Variants in ERBB4 observed in about 807,000 individuals in gnomAD.
The protein encoded by ERBB4 is erb-b2 receptor tyrosine kinase 4, also known as receptor tyrosine-protein kinase erbB-4.
ERBB4 carries 42 observed loss-of-function variants against 158.0 expected under a neutral mutation model. That is an observed-to-expected ratio of 0.27 (90% CI 0.21 to 0.34). The LOEUF is 0.34. Among genes scored for constraint, ERBB4 ranks in the 10% least tolerant of loss-of-function variants. The pLI is 1.00. For synonymous variants in ERBB4, 583 were observed against 558.7 expected (o/e 1.04, Z -0.61); for missense variants, 1,333 against 1,624.1 (o/e 0.82, Z 3.08).
chr2:211,848,784 A>G (rs550944509), intron 3 of ERBB4, among the ~76,000 whole-genome samples: 1 of 152,174 alleles, frequency 6.6e-6, no homozygotes, highest in East Asian at 1.9e-4. Flanking sequence ...GATTTCAAAT[A>G]TGAGGGGTGG....
At chr2:211,786,853 TC>T (rs1448336615) in intron 4 of ERBB4, among the ~76,000 whole-genome samples, 1 of 152,228 alleles carries the variant, frequency 6.6e-6, no homozygotes, top group Non-Finnish European at 1.5e-5. Context: ...ACATCATTTG[TC>T]TTGTTAATGT....
intron 14 of ERBB4, among the ~76,000 whole-genome samples, chr2:211,666,227 T>G (rs2071623930): frequency 6.6e-6 from 1 of 152,038 alleles, no homozygotes; most frequent in South Asian, 2.1e-4. Flanking sequence ...AGAACAATAC[T>G]GAAAGCCATA....
At chr2:211,910,353 G>C (rs1378508151) in intron 3 of ERBB4, among the ~76,000 whole-genome samples, 1 of 150,478 alleles carries the variant, frequency 6.6e-6, no homozygotes. Context: ...TTTTCTTGTA[G>C]AGGCTGGATA....
intron 2 of ERBB4, among the ~76,000 whole-genome samples, chr2:212,091,523 G>C (rs1381273740): frequency 1.3e-5 from 2 of 152,054 alleles, no homozygotes. Flanking sequence ...TCTTAACACT[G>C]CCAATGGTTG....
intron 2 of ERBB4, among the ~76,000 whole-genome samples, chr2:211,961,504 A>G (rs975753838): frequency 4.6e-5 from 7 of 152,134 alleles, no homozygotes; most frequent in African/African-American, 1.7e-4. Flanking sequence ...CTGCTGTGCC[A>G]TTGAGTCTTG....
chr2:212,120,644 C>G (rs1378348498), intron 2 of ERBB4, among the ~76,000 whole-genome samples: 1 of 152,178 alleles, frequency 6.6e-6, no homozygotes, highest in South Asian at 2.1e-4. Context: ...ACCTCACTAG[C>G]TAGAGATGAA....
At chr2:212,503,462 C>G (rs1691011919) in intron 1 of ERBB4, among the ~76,000 whole-genome samples, 1 of 152,116 alleles carries the variant, frequency 6.6e-6, no homozygotes, top group Admixed American at 6.5e-5. Context: ...TCCAAATGGA[C>G]TGCATTTATA....
chr2:212,105,462 CAA>C (rs1266881679), intron 2 of ERBB4, among the ~76,000 whole-genome samples: 1 of 152,086 alleles, frequency 6.6e-6, no homozygotes, highest in Non-Finnish European at 1.5e-5. Context: ...AAAGGAGAAA[CAA>C]AGAATTCCTA....
At chr2:212,202,183 A>C (rs1248466154) in intron 1 of ERBB4, among the ~76,000 whole-genome samples, 1 of 152,070 alleles carries the variant, frequency 6.6e-6, no homozygotes, top group African/African-American at 2.4e-5. Flanking sequence ...AATTTTATTT[A>C]AAATGGTGGT....
intron 3 of ERBB4, among the ~76,000 whole-genome samples, chr2:211,819,923 T>C (rs1265447878): frequency 6.6e-6 from 1 of 151,808 alleles, no homozygotes; most frequent in Non-Finnish European, 1.5e-5. Flanking sequence ...TATAATAAGT[T>C]CCATGCATCA....
chr2:212,223,397 CATAT>C (rs1251596172), intron 1 of ERBB4, among the ~76,000 whole-genome samples: 1 of 143,774 alleles, frequency 7.0e-6, no homozygotes, highest in Non-Finnish European at 1.5e-5. Context: ...TTTATATCTT[CATAT>C]ATATTTATCA....
At chr2:211,584,979 A>G (rs561517472) in intron 19 of ERBB4, among the ~76,000 whole-genome samples, 1 of 152,206 alleles carries the variant, frequency 6.6e-6, no homozygotes, top group South Asian at 2.1e-4. Flanking sequence ...CACTAATATC[A>G]CGTATCAATA....
intron 2 of ERBB4, among the ~76,000 whole-genome samples, chr2:212,097,586 A>G (rs994676428): frequency 5.3e-5 from 8 of 152,194 alleles, no homozygotes; most frequent in Non-Finnish European, 8.8e-5. Flanking sequence ...CATTGTGATA[A>G]CAGAAGGCAA....
intron 5 of ERBB4, among the ~76,000 whole-genome samples, chr2:211,745,715 G>GAA (rs776012647): frequency 0.038 from 3,514 of 93,222 alleles, 123 homozygotes; most frequent in African/African-American, 0.078. Context: ...TCCACCGCCA[G>GAA]AAAAAAAACA....
At chr2:211,408,654 C>T (rs558392280) in intron 25 of ERBB4, among the ~76,000 whole-genome samples, 1 of 152,270 alleles carries the variant, frequency 6.6e-6, no homozygotes, top group South Asian at 2.1e-4. Context: ...ACAATAAGCA[C>T]AAGTTGTTCT....
At chr2:212,030,515 C>T (rs1430170914) in intron 2 of ERBB4, among the ~76,000 whole-genome samples, 2 of 152,054 alleles carry the variant, frequency 1.3e-5, no homozygotes, top group Non-Finnish European at 2.9e-5. Context: ...AAGCCTGAAT[C>T]AAAGATTCAA....
chr2:211,660,270 C>G (rs2071371471), intron 15 of ERBB4, among the ~76,000 whole-genome samples: 1 of 152,174 alleles, frequency 6.6e-6, no homozygotes, highest in Non-Finnish European at 1.5e-5. Flanking sequence ...AGTCAGCTGG[C>G]AGCCAGGCCG....
intron 2 of ERBB4, among the ~76,000 whole-genome samples, chr2:212,112,772 G>A (rs1425606916): frequency 6.6e-6 from 1 of 152,156 alleles, no homozygotes; most frequent in Admixed American, 6.5e-5. Context: ...TTAACAAATG[G>A]TATTTCCGAG....
chr2:211,688,507 G>T (rs1164661278), intron 12 of ERBB4, among the ~76,000 whole-genome samples: 1 of 152,090 alleles, frequency 6.6e-6, no homozygotes, highest in Non-Finnish European at 1.5e-5. Flanking sequence ...CTTGTGTTCT[G>T]CTCTCCAGTC....
Sources: gnomAD v4.1 joint callset for allele counts (sites outside exome capture counted in the v4.1 genomes callset) on GRCh38, gnomAD v4.1.1 for gene constraint, MANE v1.5 for transcripts, NCBI Gene and HGNC (gene_info 2026-07-23, HGNC 2026-07-21) for gene names.